The following EML4 variants were observed in gnomAD, a reference collection of about 807,000 sequenced individuals.
EML4 encodes EMAP like 4, also known as echinoderm microtubule-associated protein-like 4.
In EML4, 72 loss-of-function variants were observed where a neutral mutation model predicts 129.0. The observed-to-expected ratio is 0.56, with a 90% CI of 0.46 to 0.68. The LOEUF (loss-of-function observed/expected upper bound fraction) is 0.68, where lower values mean the gene tolerates loss of function less well. EML4 is among the 30% of genes least tolerant of loss of function. The pLI, the probability that EML4 is intolerant of heterozygous loss-of-function variation, is 0.00. For synonymous variants in EML4, 532 were observed against 405.0 expected, an observed-to-expected ratio of 1.31 and a Z score of -3.77; for missense variants, 1,363 against 1,190.6, an observed-to-expected ratio of 1.14 and a Z score of -2.13.
At chr2:42,275,489 G>C (rs1053083091) in intron 6 of EML4, among the ~76,000 whole-genome samples, 1 of 152,176 alleles carries the variant, frequency 6.6e-6, no homozygotes, top group African/African-American at 2.4e-5. Flanking sequence ...TGTAAAAGGA[G>C]GTTAGACTAG....
At chr2:42,205,265 G>A (rs537113057) in intron 1 of EML4, among the ~76,000 whole-genome samples, 3 of 152,166 alleles carry the variant, frequency 2.0e-5, no homozygotes, top group Non-Finnish European at 2.9e-5. Context: ...ACTTCCAGAT[G>A]TGATCACTGA....
rs117455905 is a variant in EML4, at chr2:42,224,497, A to G, written c.26-21008A>G. Among the ~76,000 whole-genome samples, 50 of 152,276 alleles carry G rather than the reference A, an allele frequency of 3.3e-4. No individual in the cohort carries two copies. In the East Asian group the frequency reaches 5.8e-3, roughly 18 times the overall value. ...TTCTACTTTTTGGCTCTTATGAACA[A>G]TGCTGCTATAAACAGTCATGGGCAA... is the stretch of plus-strand genomic sequence containing the variant. On this transcript the variant is annotated intron_variant, in intron 1 of 22. Transcript: ENST00000318522.
chr2:42,238,458 TGTGG>T (rs1479689179), intron 1 of EML4, among the ~76,000 whole-genome samples: 4 of 152,154 alleles, frequency 2.6e-5, no homozygotes, highest in Non-Finnish European at 5.9e-5. Flanking sequence ...AAACCAAAAA[TGTGG>T]TCTGGTGCAG....
intron 1 of EML4, among the ~76,000 whole-genome samples, chr2:42,211,817 A>G (rs901529551): frequency 6.6e-6 from 1 of 151,820 alleles, no homozygotes; most frequent in Non-Finnish European, 1.5e-5. Context: ...TTCTTCCCAG[A>G]CACAAAATAA....
rs79755834 is a variant in EML4 at position 42,275,610 on chromosome 2, C to T, written c.668-5240C>T. ...TTTCTTCTTTAATAATTAAACTACT[C>T]TATCACTGATCAGATTGACTTAAGA... On this transcript the variant is annotated intron_variant, in intron 6 of 22. Transcript: ENST00000318522. Among the ~76,000 whole-genome samples, 12 of 152,290 alleles carry T rather than the reference C, an allele frequency of 7.9e-5. No homozygotes were observed. In the East Asian group the frequency reaches 2.3e-3, roughly 29 times the overall value.
rs147690976 is a variant in EML4, at chr2:42,322,896, C to A, written c.2155-2571C>A. Among the ~76,000 whole-genome samples the A allele has an allele frequency of 3.5e-4, 53 of 152,298 alleles. 2 individuals are homozygous for A. In the East Asian group the frequency reaches 0.01, roughly 29 times the overall value. ...ATTGATGCCAGGCAGAAAATACTTT[C>A]ATTTCTAAATATGAGTTAATAACTT... is the stretch of plus-strand genomic sequence containing the variant. On this transcript the variant is annotated intron_variant, in intron 19 of 22. Coordinates refer to ENST00000318522, the MANE Select transcript of EML4 (RefSeq NM_019063.5).
At chr2:42,295,815 C>T (rs1242945967) in intron 13 of EML4, among the ~76,000 whole-genome samples, 1 of 152,070 alleles carries the variant, frequency 6.6e-6, no homozygotes, top group African/African-American at 2.4e-5. Context: ...CTCACTTTCC[C>T]CTGAGCTGGT....
Position 42,169,624 on chromosome 2 carries a change from G to T in EML4, c.13G>T (p.Ala5Ser). The stretch of plus-strand genomic sequence containing the variant: ...CTTTCCCCGCAAGATGGACGGTTTC[G>T]CCGGCAGTCTCGGTGAGTACGGCTG... The part of the protein sequence containing the change: MDGF[A>S]GSLDDSISAA... Residue 5 changes from alanine (A) to serine (S), a missense_variant, in exon 1 of 23, where the codon GCC becomes TCC. Coordinates refer to ENST00000318522, the MANE Select transcript of EML4 (RefSeq NM_019063.5). 1 of 1,601,470 alleles carries T rather than the reference G, an allele frequency of 6.2e-7. No homozygotes were observed.
At chr2:42,327,948 T>C (rs1216294243) in intron 21 of EML4, among the ~76,000 whole-genome samples, 4 of 152,178 alleles carry the variant, frequency 2.6e-5, no homozygotes, top group Admixed American at 6.5e-5. Flanking sequence ...TTATAGGTGG[T>C]TGTTCTAAAC....
intron 6 of EML4, among the ~76,000 whole-genome samples, chr2:42,270,984 C>G (rs1373802567): frequency 6.6e-6 from 1 of 152,200 alleles, no homozygotes; most frequent in East Asian, 1.9e-4. Flanking sequence ...CAGCCTTGAC[C>G]TCCCGGGCTC....
intron 1 of EML4, among the ~76,000 whole-genome samples, chr2:42,202,795 TCAATC>T (rs1478750424): frequency 6.6e-6 from 1 of 152,100 alleles, no homozygotes; most frequent in East Asian, 1.9e-4. Context: ...GCAACACCCT[TCAATC>T]CAATCAAGTT....
At chr2:42,291,468 T>C (rs1198180572) in intron 11 of EML4, among the ~76,000 whole-genome samples, 1 of 151,136 alleles carries the variant, frequency 6.6e-6, no homozygotes, top group Admixed American at 6.6e-5. Context: ...TGGCATGATC[T>C]TGGCTCACTG....
intron 1 of EML4, among the ~76,000 whole-genome samples, chr2:42,232,341 T>C (rs1047618789): frequency 3.3e-5 from 5 of 152,240 alleles, no homozygotes; most frequent in East Asian, 1.9e-4. Flanking sequence ...ACAGAACTTT[T>C]TGGCAGCCCT....
intron 17 of EML4, among the ~76,000 whole-genome samples, chr2:42,312,591 T>C (rs909096039): frequency 2.6e-5 from 4 of 151,504 alleles, no homozygotes; most frequent in African/African-American, 9.7e-5. Flanking sequence ...TCTTGCTCTG[T>C]CGCCCAGGCT....
chr2:42,280,009 C>T (rs1416437614), intron 6 of EML4, among the ~76,000 whole-genome samples: 2 of 152,002 alleles, frequency 1.3e-5, no homozygotes, highest in Non-Finnish European at 2.9e-5. Context: ...TGAGATTAAC[C>T]CTTTATTAGA....
chr2:42,182,121 GTTTC>G (rs1487287082), intron 1 of EML4, among the ~76,000 whole-genome samples: 3 of 110,140 alleles, frequency 2.7e-5, no homozygotes, highest in South Asian at 5.5e-4. Flanking sequence ...GTCTCCACTG[GTTTC>G]TTTTTTTTTT....
intron 1 of EML4, among the ~76,000 whole-genome samples, chr2:42,218,675 C>T (rs988870696): frequency 3.3e-5 from 5 of 152,240 alleles, no homozygotes; most frequent in Middle Eastern, 3.4e-3. Context: ...CTTTCCTACT[C>T]GGTTCCTATC....
intron 1 of EML4, among the ~76,000 whole-genome samples, chr2:42,195,470 C>A (rs1401494655): frequency 6.6e-6 from 1 of 152,096 alleles, no homozygotes; most frequent in East Asian, 1.9e-4. Flanking sequence ...AAATGTAGAT[C>A]TGACACTGTG....
chr2:42,173,464 C>G (rs1446612056), intron 1 of EML4, among the ~76,000 whole-genome samples: 2 of 152,148 alleles, frequency 1.3e-5, no homozygotes, highest in African/African-American at 4.8e-5. Flanking sequence ...TAACATCGAA[C>G]ATGGGCTAGC....
Sources: gnomAD v4.1 joint callset for allele counts (sites outside exome capture counted in the v4.1 genomes callset) on GRCh38, gnomAD v4.1.1 for gene constraint, MANE v1.5 for transcripts, NCBI Gene and HGNC (gene_info 2026-07-23, HGNC 2026-07-21) for gene names.